Variants in ERAP1 observed in about 807,000 individuals in gnomAD.
ERAP1 encodes endoplasmic reticulum aminopeptidase 1, also known as adipocyte-derived leucine aminopeptidase.
Under a neutral mutation model 103.7 loss-of-function variants are expected in ERAP1, and 86 were observed. That is an observed-to-expected ratio of 0.83 (90% CI 0.70 to 0.99). The LOEUF (loss-of-function observed/expected upper bound fraction) is 0.99. ERAP1 is among the 50% of genes least tolerant of loss of function. The pLI is 0.00. For missense variants in ERAP1, 1,009 were observed against 1,128.4 expected, an observed-to-expected ratio of 0.89 and a Z score of 1.52; for synonymous variants, 398 against 402.4, an observed-to-expected ratio of 0.99 and a Z score of 0.13.
At chr5:96,917,767 ATGG>A in the ERAP1 span, 1 of 440,774 alleles carries the variant, frequency 2.3e-6, no homozygotes, top group Non-Finnish European at 3.9e-6. Context: ...TTAGCCGGGC[ATGG>A]TGGCAGGTGC....
rs1448090958 is a variant in ERAP1 at position 96,797,537 on chromosome 5, G to A, written c.664-228C>T. On this transcript the variant is annotated intron_variant, in intron 3 of 18. Coordinates refer to ENST00000443439, the MANE Select transcript of ERAP1 (RefSeq NM_001040458.3). The stretch of plus-strand genomic sequence containing the variant: ...CAAAAATTAGTCCTGCTGGTGGTGC[G>A]TGCCTGTAGTCATAGCTACTGGGGA... Among the ~76,000 whole-genome samples the A allele has an allele frequency of 5.9e-5, 9 of 152,100 alleles. No homozygotes were observed. In the South Asian group the frequency reaches 6.2e-4, roughly 11 times the overall value.
chr5:96,771,782 C>A, downstream of ERAP1: 1 of 817,360 alleles, frequency 1.2e-6, no homozygotes. Flanking sequence ...GAAGTGAAGT[C>A]CACCTCTTGA....
At chr5:96,762,196 GAGTTAT>G (rs1237882404) in exon 20 of ERAP1, 70 of 790,094 alleles carry the variant, frequency 8.9e-5, no homozygotes, top group Admixed American at 3.5e-4. Flanking sequence ...CTATCTTTAA[GAGTTAT>G]AGTTAAGTGA....
chr5:96,802,275 A>C (rs1158451404), intron 2 of ERAP1, among the ~76,000 whole-genome samples: 1 of 152,162 alleles, frequency 6.6e-6, no homozygotes, highest in Non-Finnish European at 1.5e-5. Context: ...TATGTATTTT[A>C]ATAAAATCAT....
Position 96,775,199 on chromosome 5 carries a change from T to TATCA in ERAP1, c.*1193_*1196dup, listed in dbSNP as rs1554107160. On this transcript the variant is annotated 3_prime_UTR_variant, in exon 19 of 19. Transcript: ENST00000443439. The stretch of plus-strand genomic sequence containing the variant: ...GTTAGTAAACTGTGCTTTCTATTAT[T>TATCA]ATCATCTATACATAAAACCTGAGCA... 5 of 985,426 alleles carry TATCA rather than the reference T, an allele frequency of 5.1e-6. No homozygotes were observed. Among genetic ancestry groups the TATCA allele is most frequent in the Admixed American group, 6.1e-5 (1 of 16,264 alleles). 61.0% of individuals were successfully genotyped at this position (985,426 alleles called of 1,614,324 possible). A position where few individuals can be genotyped will look rare whatever the true frequency, so the allele number is the denominator to read the frequency against.
chr5:96,896,943 T>C, the ERAP1 span: 1 of 1,409,838 alleles, frequency 7.1e-7, no homozygotes, highest in South Asian at 1.5e-5. Context: ...TATAAATAGC[T>C]ATATATTGTC....
chr5:96,847,386 A>G, the ERAP1 span, among the ~76,000 whole-genome samples: 1 of 152,214 alleles, frequency 6.6e-6, no homozygotes, highest in African/African-American at 2.4e-5. Flanking sequence ...GAGGATTTTA[A>G]TATCCCACTC....
chr5:96,833,533 T>G, the ERAP1 span, among the ~76,000 whole-genome samples: 1 of 152,224 alleles, frequency 6.6e-6, no homozygotes, highest in Non-Finnish European at 1.5e-5. Context: ...TTCAAAATGT[T>G]GGTTCATTGA....
chr5:96,850,361 A>C, the ERAP1 span, among the ~76,000 whole-genome samples: 3 of 152,334 alleles, frequency 2.0e-5, no homozygotes, highest in Non-Finnish European at 4.4e-5. Context: ...CTGATATCTA[A>C]GATATATTAA....
At chr5:96,778,899 C>T (rs959050307) in intron 18 of ERAP1, among the ~76,000 whole-genome samples, 3 of 152,120 alleles carry the variant, frequency 2.0e-5, no homozygotes, top group East Asian at 1.9e-4. Context: ...GGATGACTCC[C>T]GTATTTTATA....
chr5:96,898,446 CA>C, the ERAP1 span, among the ~76,000 whole-genome samples: 1 of 151,444 alleles, frequency 6.6e-6, no homozygotes, highest in African/African-American at 2.4e-5. Flanking sequence ...TTTTTACTTA[CA>C]AAAATACTTA....
the ERAP1 span, among the ~76,000 whole-genome samples, chr5:96,914,511 C>T: frequency 2.6e-5 from 4 of 152,174 alleles, no homozygotes. Flanking sequence ...ATTGATTTGT[C>T]TGTTTTCATG....
At chr5:96,781,884 C>T (rs544552481) in intron 15 of ERAP1, 30 bp from the exon 16 acceptor site, 2 of 1,611,154 alleles carry the variant, frequency 1.2e-6, no homozygotes, top group Non-Finnish European at 1.7e-6. Flanking sequence ...CGGTGAGAAT[C>T]TGAGGTGCAG....
the ERAP1 span, chr5:96,880,321 C>A: frequency 3.5e-6 from 5 of 1,432,032 alleles, no homozygotes; most frequent in Non-Finnish European, 4.7e-6. Flanking sequence ...AGTTACATCT[C>A]TTTGCCAGGA....
At chr5:96,935,251 C>T in the ERAP1 span, 1 of 152,324 alleles carries the variant, frequency 6.6e-6, no homozygotes, top group African/African-American at 2.4e-5. Flanking sequence ...CCGGGCGATC[C>T]GGCGCCGGGT....
rs1188324749 is a variant in ERAP1, at chr5:96,790,544, T to C, written c.1420A>G (p.Lys474Glu). ...ATACTATCCCACAGGTCCTCGTTTTTTGTATTTTTATAGCTATGCTTCTGG... is the reference window on the plus strand; with the variant it reads ...ATACTATCCCACAGGTCCTCGTTTTCTGTATTTTTATAGCTATGCTTCTGG... ...YLQKHSYKNT[K>E]NEDLWDSMAS... The change falls in exon 9 of 19, where the codon AAA becomes GAA. Residue 474 changes from lysine (K) to glutamate (E), a missense_variant. This residue lies in a region of ERAP1 where 611 missense variants were observed against 651.7 expected (regional missense o/e 0.94). Transcript: ENST00000443439. The C allele has an allele frequency of 8.1e-6, 13 of 1,614,046 alleles. No homozygotes were observed. The South Asian group carries it at 1.4e-4, about 18-fold the overall frequency.
At chr5:96,913,146 A>C in the ERAP1 span, among the ~76,000 whole-genome samples, 1 of 152,098 alleles carries the variant, frequency 6.6e-6, no homozygotes, top group Non-Finnish European at 1.5e-5. Context: ...TAGGAACAAA[A>C]TAAAAATTAT....
the ERAP1 span, among the ~76,000 whole-genome samples, chr5:96,881,776 G>A: frequency 6.6e-6 from 1 of 152,062 alleles, no homozygotes; most frequent in African/African-American, 2.4e-5. Flanking sequence ...GGGGGACACG[G>A]GGGAGAGATA....
Position 96,774,904 on chromosome 5 carries a change from T to G in ERAP1, c.*1492A>C, listed in dbSNP as rs1773811850. 7 of 985,540 alleles carry G rather than the reference T, an allele frequency of 7.1e-6. No individual in the cohort carries two copies. Among genetic ancestry groups the G allele is most frequent in the Non-Finnish European group, 8.4e-6 (7 of 829,920 alleles). 61.0% of individuals were successfully genotyped at this position (985,540 alleles called of 1,614,324 possible). A position where few individuals can be genotyped will look rare whatever the true frequency, so the allele number is the denominator to read the frequency against. ...TGTCGTGTATTAGGGGAACACATTT[T>G]GACATTTTTCGTACCAATCATCAAT... On this transcript the variant is annotated 3_prime_UTR_variant, in exon 19 of 19. Transcript: ENST00000443439.
Sources: allele counts gnomAD v4.1 joint callset (sites outside exome capture counted in the v4.1 genomes callset), GRCh38; gene constraint gnomAD v4.1.1; regional missense constraint gnomAD v4.1.1; transcripts MANE v1.5; gene names NCBI Gene and HGNC (gene_info 2026-07-23, HGNC 2026-07-21).